The following VPS36 variants were observed in gnomAD, a reference collection of about 807,000 sequenced individuals.
VPS36 encodes vacuolar protein sorting 36 homolog.
A neutral mutation model predicts 63.5 loss-of-function variants in VPS36; 31 were observed. The ratio of observed to expected loss-of-function variants is 0.49; its 90% CI spans 0.37 to 0.66. The LOEUF is 0.66. VPS36 is among the 30% of genes least tolerant of loss of function. VPS36 has a pLI of 0.00. For missense variants in VPS36, 338 were observed against 463.7 expected (o/e 0.73, Z 2.49); for synonymous variants, 138 against 157.2 (o/e 0.88, Z 0.91).
chr13:52,440,495 G>A (rs1412196259), intron 2 of VPS36, among the ~76,000 whole-genome samples: 2 of 151,574 alleles, frequency 1.3e-5, no homozygotes, highest in Non-Finnish European at 2.9e-5. Context: ...GTTTCTCCAC[G>A]TTGGTCAGGC....
chr13:52,435,203 T>G (rs1052346087), intron 4 of VPS36, among the ~76,000 whole-genome samples: 80 of 152,122 alleles, frequency 5.3e-4, no homozygotes, highest in African/African-American at 1.9e-3. Flanking sequence ...ACTCTCGACC[T>G]CAGGTGATCT....
chr13:52,426,203 T>C, intron 8 of VPS36, 137 bp from the exon 9 acceptor site: 1 of 1,096,248 alleles, frequency 9.1e-7, no homozygotes, highest in Non-Finnish European at 1.3e-6. Flanking sequence ...CTGTGAACTA[T>C]AAGGGAGCAG....
chr13:52,438,740 A>G (rs1358379156), intron 3 of VPS36, among the ~76,000 whole-genome samples: 1 of 152,238 alleles, frequency 6.6e-6, no homozygotes, highest in Non-Finnish European at 1.5e-5. Flanking sequence ...AACTATTATT[A>G]TATGCTGTTT....
rs1471824266 is a variant in VPS36 at position 52,415,809 on chromosome 13, A to G, written c.*21T>C. On this transcript the variant is annotated 3_prime_UTR_variant, in exon 14 of 14. Coordinates refer to ENST00000378060, the MANE Select transcript of VPS36 (RefSeq NM_016075.4). ...ACATGACGCAAGCATATGGACAAAA[A>G]GGATTTTAAATACAAAACCCTTAGC... The G allele has an allele frequency of 6.2e-7, 1 of 1,610,890 alleles. No individual in the cohort carries two copies. Among genetic ancestry groups the G allele is most frequent in the Non-Finnish European group, 8.5e-7 (1 of 1,178,324 alleles).
intron 6 of VPS36, among the ~76,000 whole-genome samples, chr13:52,433,024 C>T (rs1168513402): frequency 6.6e-6 from 1 of 152,156 alleles, no homozygotes; most frequent in Non-Finnish European, 1.5e-5. Flanking sequence ...AAAACCAAGA[C>T]CATTTTTATA....
At chr13:52,438,985 T>C in intron 3 of VPS36, 113 bp downstream of exon 3, 1 of 886,468 alleles carries the variant, frequency 1.1e-6, no homozygotes, top group Admixed American at 2.5e-5. Context: ...ACCTTAGCTT[T>C]ATTCATGCTT....
At chr13:52,427,564 G>T (rs998831982) in intron 6 of VPS36, among the ~76,000 whole-genome samples, 1 of 151,242 alleles carries the variant, frequency 6.6e-6, no homozygotes, top group Non-Finnish European at 1.5e-5. Flanking sequence ...CCGAGATCGC[G>T]CCACTGCGCT....
intron 6 of VPS36, among the ~76,000 whole-genome samples, chr13:52,431,151 T>C (rs1207878893): frequency 1.3e-5 from 2 of 151,526 alleles, no homozygotes; most frequent in Non-Finnish European, 2.9e-5. Context: ...TAAGAGTCAA[T>C]GAGAGCTGGA....
intron 6 of VPS36, 126 bp downstream of exon 6, chr13:52,433,536 G>T (rs2084456682): frequency 3.9e-6 from 3 of 777,634 alleles, no homozygotes; most frequent in Admixed American, 3.0e-5. Context: ...AAAGAGAATA[G>T]GAGACTATGT....
chr13:52,426,854 CATAA>C (rs993139804), intron 8 of VPS36, 131 bp downstream of exon 8: 14 of 602,354 alleles, frequency 2.3e-5, no homozygotes, highest in African/African-American at 2.1e-4. Context: ...CACTCCGTCT[CATAA>C]ATAAATAAAC....
At chr13:52,434,963 C>CTTTT (rs981154726) in intron 4 of VPS36, 81 bp from the exon 5 acceptor site, 2 of 1,050,596 alleles carry the variant, frequency 1.9e-6, no homozygotes, top group Admixed American at 2.9e-5. Context: ...ACATTTCTTT[C>CTTTT]TTTTTTTCTT....
At chr13:52,450,056 C>A in intron 1 of VPS36, 4 of 987,822 alleles carry the variant, frequency 4.0e-6, no homozygotes, top group Non-Finnish European at 3.6e-6. Flanking sequence ...CCGCGCCCTC[C>A]TCACAGAAAG....
chr13:52,450,204 G>A (rs1958387587), intron 1 of VPS36: 1 of 1,050,072 alleles, frequency 9.5e-7, no homozygotes. Context: ...CACTGCAGCT[G>A]TGCGCTCCCG....
rs75655490 is a variant in VPS36, at chr13:52,420,847, C to T, written c.840+2727G>A. ...ATAAAAATTTGGGGGCCGGGCATGG[C>T]GGCTCATGCCTGTAATCCCAGCACT... On this transcript the variant is annotated intron_variant, in intron 10 of 13. Coordinates refer to ENST00000378060, the MANE Select transcript of VPS36 (RefSeq NM_016075.4). Among the ~76,000 whole-genome samples the T allele has an allele frequency of 6.9e-3, 1,045 of 152,184 alleles. 18 individuals are homozygous for T. Among genetic ancestry groups the T allele is most frequent in the African/African-American group, 0.024 (1,000 of 41,534 alleles).
intron 11 of VPS36, 52 bp from the exon 12 acceptor site, chr13:52,417,193 C>T: frequency 2.0e-6 from 3 of 1,522,492 alleles, no homozygotes; most frequent in Non-Finnish European, 2.7e-6. Context: ...GGATATTCAA[C>T]TGCTGAAAAG....
intron 1 of VPS36, among the ~76,000 whole-genome samples, chr13:52,449,066 G>T (rs1958372520): frequency 6.6e-6 from 1 of 152,226 alleles, no homozygotes; most frequent in Admixed American, 6.5e-5. Context: ...GGCAGGCTGG[G>T]CACAGTGGCT....
rs1006087746 is a variant in VPS36 at position 52,413,616 on chromosome 13, T to C, written c.*2214A>G. On this transcript the variant is annotated 3_prime_UTR_variant, in exon 14 of 14. Transcript: ENST00000378060. ...ACAATGTAAAAAAATTTTTTGACAG[T>C]AAATGACCAGAAATATTGCATTACC... 4 of 152,396 alleles carry C rather than the reference T, an allele frequency of 2.6e-5. No individual in the cohort carries two copies. The highest frequency in any genetic ancestry group is 9.7e-5 in the African/African-American group (4 of 41,442). 9.4% of individuals were successfully genotyped at this position (152,396 alleles called of 1,614,324 possible).
At chr13:52,420,234 A>T (rs1958032773) in intron 10 of VPS36, among the ~76,000 whole-genome samples, 1 of 148,398 alleles carries the variant, frequency 6.7e-6, no homozygotes, top group Non-Finnish European at 1.5e-5. Flanking sequence ...AAAAGTTAAG[A>T]CTGTCTCAAA....
In VPS36 at chr13:52,418,091, A is replaced by G. The variant is rs141106049; in HGVS notation, c.841-35T>C. 1.2e-4 allele frequency: 185 copies of G among 1,541,774 alleles called. No individual in the cohort carries two copies. In the African/African-American group the frequency reaches 2.2e-3, roughly 18 times the overall value. On this transcript the variant is annotated intron_variant, in intron 10 of 13. Coordinates refer to ENST00000378060, the MANE Select transcript of VPS36 (RefSeq NM_016075.4). ...AAAAAAAATCCAGTAATGCTATACA[A>G]TGGTAATGATCACTAAAACAGAAGA... is the stretch of plus-strand genomic sequence containing the variant.
Sources: gnomAD v4.1 joint callset for allele counts (sites outside exome capture counted in the v4.1 genomes callset) on GRCh38, gnomAD v4.1.1 for gene constraint, MANE v1.5 for transcripts, NCBI Gene and HGNC (gene_info 2026-07-23, HGNC 2026-07-21) for gene names.